MTCH2: variants seen among roughly 807,000 people sequenced by gnomAD.
MTCH2 encodes the protein mitochondrial carrier 2.
Under a neutral mutation model 50.6 loss-of-function variants are expected in MTCH2, and 25 were observed. That is an observed-to-expected ratio of 0.49 (90% CI 0.36 to 0.69). The LOEUF (loss-of-function observed/expected upper bound fraction) is 0.69, where lower values mean the gene tolerates loss of function less well. Ranked by LOEUF, MTCH2 falls within the 30% of genes least tolerant of loss-of-function variation. MTCH2 has a pLI of 0.00. For missense variants in MTCH2, 273 were observed against 384.4 expected, an observed-to-expected ratio of 0.71 and a Z score of 2.42; for synonymous variants, 106 against 132.0, an observed-to-expected ratio of 0.80 and a Z score of 1.35.
At chr11:47,607,683 T>C in the MTCH2 span, among the ~76,000 whole-genome samples, 2 of 152,250 alleles carry the variant, frequency 1.3e-5, no homozygotes, top group African/African-American at 4.8e-5. Flanking sequence ...TAAGAAGCCA[T>C]GTGAGTGGAG....
chr11:47,616,582 CT>C (rs1478876364), downstream of MTCH2, among the ~76,000 whole-genome samples: 1 of 152,082 alleles, frequency 6.6e-6, no homozygotes, highest in African/African-American at 2.4e-5. Flanking sequence ...CTGCCTCAGC[CT>C]CCCAAAGTGT....
chr11:47,636,259 C>T (rs986631168), intron 3 of MTCH2, among the ~76,000 whole-genome samples: 1 of 152,146 alleles, frequency 6.6e-6, no homozygotes, highest in Non-Finnish European at 1.5e-5. Flanking sequence ...CGTGGTGAAA[C>T]TCCATCTCTA....
intron 6 of MTCH2, 102 bp from the exon 7 acceptor site, chr11:47,631,189 A>C: frequency 1.1e-6 from 1 of 880,570 alleles, no homozygotes; most frequent in South Asian, 1.5e-5. Flanking sequence ...TGGGCGGATC[A>C]CCTGAGGTCA....
chr11:47,625,414 C>T lies in MTCH2; in HGVS notation c.749+260G>A, dbSNP rs1403401317. 6.2e-5 allele frequency among the ~76,000 whole-genome samples: 5 copies of T among 81,184 alleles called. No individual in the cohort carries two copies. In the East Asian group the frequency reaches 1.4e-3, roughly 22 times the overall value. 53.3% of individuals were successfully genotyped at this position (81,184 alleles called of 152,430 possible). A position where few individuals can be genotyped will look rare whatever the true frequency, so the allele number is the denominator to read the frequency against. Reference sequence around the variant, plus strand: ...CTCCAGCCTGGGCAACATAGCAAGACTCCATCTCAAAAAAAAAAAAAATAA... The same window carrying T: ...CTCCAGCCTGGGCAACATAGCAAGATTCCATCTCAAAAAAAAAAAAAATAA... On this transcript the variant is annotated intron_variant, in intron 11 of 12. Transcript: ENST00000302503.
intron 1 of MTCH2, among the ~76,000 whole-genome samples, chr11:47,641,185 C>G (rs1443740806): frequency 2.0e-5 from 3 of 152,198 alleles, no homozygotes; most frequent in Non-Finnish European, 2.9e-5. Context: ...CGAACGCGCC[C>G]GGCCCCAAGG....
intron 2 of MTCH2, 73 bp from the exon 3 acceptor site, chr11:47,638,878 A>C: frequency 6.3e-7 from 1 of 1,575,428 alleles, no homozygotes; most frequent in Non-Finnish European, 8.7e-7. Flanking sequence ...TCAAAGAAAC[A>C]AGCTTTCTAT....
intron 10 of MTCH2, among the ~76,000 whole-genome samples, chr11:47,626,060 G>A (rs1263431304): frequency 1.3e-5 from 2 of 151,838 alleles, no homozygotes; most frequent in Non-Finnish European, 2.9e-5. Context: ...GCCCACGCTG[G>A]AGTGTAATGG....
At chr11:47,630,370 G>A (rs1318889802) in intron 8 of MTCH2, among the ~76,000 whole-genome samples, 185 bp downstream of exon 8, 1 of 152,102 alleles carries the variant, frequency 6.6e-6, no homozygotes, top group Non-Finnish European at 1.5e-5. Context: ...CTAGTCATAT[G>A]GGGCCTAAAT....
At chr11:47,625,219 G>A (rs1284748855) in intron 11 of MTCH2, among the ~76,000 whole-genome samples, 2 of 151,754 alleles carry the variant, frequency 1.3e-5, no homozygotes, top group Non-Finnish European at 2.9e-5. Context: ...TCAGGAGTTC[G>A]AGACCAGCCT....
At chr11:47,638,108 G>C (rs759644289) in intron 3 of MTCH2, among the ~76,000 whole-genome samples, 1 of 151,868 alleles carries the variant, frequency 6.6e-6, no homozygotes, top group Non-Finnish European at 1.5e-5. Flanking sequence ...ACATATTCAG[G>C]GTACCTGGTT....
At chr11:47,619,246 T>TTCTTTTTTGAGATGGAGTCTCGC (rs2153798109) in intron 12 of MTCH2, among the ~76,000 whole-genome samples, 1 of 152,352 alleles carries the variant, frequency 6.6e-6, no homozygotes, top group Admixed American at 6.5e-5. Flanking sequence ...TTCTTTGTTT[T>TTCTTTTTTGAGATGGAGTCTCGC]TCTTTTTTGA....
At chr11:47,635,357 G>A (rs2097307571) in intron 4 of MTCH2, among the ~76,000 whole-genome samples, 188 bp downstream of exon 4, 1 of 152,180 alleles carries the variant, frequency 6.6e-6, no homozygotes, top group Non-Finnish European at 1.5e-5. Context: ...TTACAGGCAT[G>A]AGCCACCATG....
At chr11:47,615,261 T>C (rs1354891604), downstream of MTCH2, among the ~76,000 whole-genome samples, 2 of 152,166 alleles carry the variant, frequency 1.3e-5, no homozygotes, top group Admixed American at 6.5e-5. Context: ...CAGGCTGTTT[T>C]AGTTGGCCTG....
chr11:47,626,535 T>C (rs1275958377), intron 10 of MTCH2, among the ~76,000 whole-genome samples: 1 of 152,074 alleles, frequency 6.6e-6, no homozygotes, highest in Non-Finnish European at 1.5e-5. Flanking sequence ...TACCAAACCA[T>C]GCAGGATGTG....
At chr11:47,628,047 C>A (rs766721726) in intron 9 of MTCH2, among the ~76,000 whole-genome samples, 6 of 152,150 alleles carry the variant, frequency 3.9e-5, no homozygotes, top group Admixed American at 6.6e-5. Flanking sequence ...TTTTACACAG[C>A]TAGCTTTCTA....
intron 4 of MTCH2, 84 bp from the exon 5 acceptor site, chr11:47,634,818 G>C: frequency 1.1e-6 from 1 of 947,504 alleles, no homozygotes; most frequent in Admixed American, 2.6e-5. Context: ...TGTCGCCCAG[G>C]CTGGAGTGCA....
chr11:47,605,953 A>G, the MTCH2 span, among the ~76,000 whole-genome samples: 672 of 152,272 alleles, frequency 4.4e-3, 5 homozygotes, highest in African/African-American at 0.016. Flanking sequence ...TCCATGGTTT[A>G]ATGTTATATT....
chr11:47,625,686 AC>A lies in MTCH2; in HGVS notation c.736del (p.Val246SerfsTer21). ...ACAAAGTGCTTACCCACAGTTGTTG[AC>A]AGCCATAAGATTGGAGACAAGCACA... ...PFVLVSNLMA[V>X]NNCGLAGGCP... is the part of the protein sequence containing the mutation. On this transcript the variant is annotated frameshift_variant, in exon 11 of 13. Transcript: ENST00000302503. LOFTEE classifies it high-confidence loss of function. 1 of 1,351,924 alleles carries A rather than the reference AC, an allele frequency of 7.4e-7. No homozygotes were observed. The highest frequency in any genetic ancestry group is 9.5e-7 in the Non-Finnish European group (1 of 1,055,978). 83.7% of individuals were successfully genotyped at this position (1,351,924 alleles called of 1,614,324 possible).
the MTCH2 span, among the ~76,000 whole-genome samples, chr11:47,611,726 C>A: frequency 1.3e-5 from 2 of 152,224 alleles, no homozygotes; most frequent in Non-Finnish European, 2.9e-5. Context: ...CTTCCACTCT[C>A]TCAAGTACCA....
Sources: allele counts gnomAD v4.1 joint callset (sites outside exome capture counted in the v4.1 genomes callset), GRCh38; gene constraint gnomAD v4.1.1; transcripts MANE v1.5; gene names NCBI Gene and HGNC (gene_info 2026-07-23, HGNC 2026-07-21).